ZFAT: variants seen among roughly 807,000 people sequenced by gnomAD.
ZFAT encodes zinc finger protein ZFAT.
A neutral mutation model predicts 117.7 loss-of-function variants in ZFAT; 64 were observed. The observed-to-expected ratio is 0.54, with a 90% CI of 0.44 to 0.67. The LOEUF is 0.67. Ranked by LOEUF, ZFAT falls within the 30% of genes least tolerant of loss-of-function variation. The pLI is 0.00. For synonymous variants in ZFAT, 679 were observed against 615.0 expected, an observed-to-expected ratio of 1.10 and a Z score of -1.54; for missense variants, 1,433 against 1,584.5, an observed-to-expected ratio of 0.90 and a Z score of 1.62.
intron 12 of ZFAT, among the ~76,000 whole-genome samples, chr8:134,529,124 A>G (rs1048512797): frequency 7.2e-5 from 11 of 152,160 alleles, no homozygotes; most frequent in African/African-American, 2.4e-4. Context: ...CAAGGTCCAC[A>G]GTGATCAAAA....
At chr8:134,654,869 A>C (rs1262006205) in intron 2 of ZFAT, among the ~76,000 whole-genome samples, 1 of 152,186 alleles carries the variant, frequency 6.6e-6, no homozygotes, top group East Asian at 1.9e-4. Flanking sequence ...CAAGCAAGAG[A>C]AACATAGAGA....
At chr8:134,649,838 A>C (rs754386582) in intron 2 of ZFAT, among the ~76,000 whole-genome samples, 2 of 152,052 alleles carry the variant, frequency 1.3e-5, no homozygotes, top group Non-Finnish European at 2.9e-5. Context: ...CTCACCTCGA[A>C]TTATAACCCC....
At chr8:134,695,356 G>A (rs976550412) in intron 1 of ZFAT, among the ~76,000 whole-genome samples, 5 of 152,128 alleles carry the variant, frequency 3.3e-5, no homozygotes, top group African/African-American at 9.7e-5. Context: ...GCCACTCCCC[G>A]GCTGCCAGGC....
chr8:134,589,805 G>A (rs1221840567), intron 8 of ZFAT, among the ~76,000 whole-genome samples: 1 of 152,218 alleles, frequency 6.6e-6, no homozygotes, highest in Admixed American at 6.5e-5. Context: ...GAAATGACAA[G>A]GTATGAACAC....
At chr8:134,724,626 C>T in the ZFAT span, among the ~76,000 whole-genome samples, 1 of 152,070 alleles carries the variant, frequency 6.6e-6, no homozygotes, top group Non-Finnish European at 1.5e-5. Context: ...CAACTGGTCT[C>T]GGGTGGTCTG....
chr8:134,750,185 G>A, the ZFAT span, among the ~76,000 whole-genome samples: 2 of 151,978 alleles, frequency 1.3e-5, no homozygotes, highest in African/African-American at 4.8e-5. Flanking sequence ...CACCTTTAGA[G>A]GCCTTCTGCA....
intron 1 of ZFAT, among the ~76,000 whole-genome samples, chr8:134,673,845 G>A (rs1832669236): frequency 6.6e-6 from 1 of 152,216 alleles, no homozygotes; most frequent in Non-Finnish European, 1.5e-5. Context: ...AGGCACAGTG[G>A]CTCACGCCTA....
chr8:134,745,024 G>A, the ZFAT span, among the ~76,000 whole-genome samples: 2 of 149,440 alleles, frequency 1.3e-5, no homozygotes, highest in Admixed American at 6.6e-5. Flanking sequence ...CACCGCGCCC[G>A]GCCAGGAAGG....
chr8:134,806,671 A>T, the ZFAT span, among the ~76,000 whole-genome samples: 2 of 152,192 alleles, frequency 1.3e-5, no homozygotes, highest in African/African-American at 4.8e-5. Context: ...TATCAGAGCC[A>T]CTGTATTTAA....
chr8:134,564,902 G>A, intron 11 of ZFAT: 1 of 1,159,508 alleles, frequency 8.6e-7, no homozygotes, highest in African/African-American at 1.6e-5. Context: ...TGGGCACTGT[G>A]GTGGACACTC....
intron 15 of ZFAT, among the ~76,000 whole-genome samples, chr8:134,496,606 C>T (rs1408197151): frequency 2.0e-5 from 3 of 152,182 alleles, no homozygotes; most frequent in African/African-American, 2.4e-5. Context: ...GTTTTGAATG[C>T]GTATGAAGCC....
intron 11 of ZFAT, among the ~76,000 whole-genome samples, chr8:134,560,335 T>C (rs988150008): frequency 6.6e-6 from 1 of 152,190 alleles, no homozygotes. Context: ...TCCCATGAAC[T>C]CAACATATAA....
At chr8:134,754,092 G>A in the ZFAT span, among the ~76,000 whole-genome samples, 1 of 152,194 alleles carries the variant, frequency 6.6e-6, no homozygotes, top group South Asian at 2.1e-4. Flanking sequence ...CCAGAACAAT[G>A]GTGACTGGGG....
chr8:134,489,579 T>C (rs1563765245), intron 15 of ZFAT, among the ~76,000 whole-genome samples: 1 of 152,128 alleles, frequency 6.6e-6, no homozygotes, highest in Non-Finnish European at 1.5e-5. Flanking sequence ...TCTCCATCTC[T>C]GCCGCATCTG....
chr8:134,789,965 G>A, the ZFAT span, among the ~76,000 whole-genome samples: 1 of 152,194 alleles, frequency 6.6e-6, no homozygotes, highest in Non-Finnish European at 1.5e-5. Flanking sequence ...TCACTAGGAA[G>A]ATGAACTAGT....
At chr8:134,776,464 G>A in the ZFAT span, among the ~76,000 whole-genome samples, 1 of 151,858 alleles carries the variant, frequency 6.6e-6, no homozygotes, top group Admixed American at 6.6e-5. Flanking sequence ...CACCACATCC[G>A]GCTAGTTATT....
chr8:134,620,004 C>T (rs1363233034), intron 3 of ZFAT, among the ~76,000 whole-genome samples: 1 of 152,194 alleles, frequency 6.6e-6, no homozygotes, highest in African/African-American at 2.4e-5. Context: ...ACCAGCCGAA[C>T]AGCTGGCTCC....
intron 1 of ZFAT, among the ~76,000 whole-genome samples, chr8:134,676,735 TAACA>T (rs1352838154): frequency 1.3e-5 from 2 of 152,190 alleles, no homozygotes; most frequent in East Asian, 1.9e-4. Flanking sequence ...ACGGAAATCA[TAACA>T]AACAGTCTCT....
At chr8:134,790,963 C>T in the ZFAT span, among the ~76,000 whole-genome samples, 1 of 152,104 alleles carries the variant, frequency 6.6e-6, no homozygotes, top group Non-Finnish European at 1.5e-5. Flanking sequence ...TGCAGTAAGC[C>T]ATGATCATGC....
Sources: gnomAD v4.1 joint callset for allele counts (sites outside exome capture counted in the v4.1 genomes callset) on GRCh38, gnomAD v4.1.1 for gene constraint, MANE v1.5 for transcripts, NCBI Gene and HGNC (gene_info 2026-07-23, HGNC 2026-07-21) for gene names.